DLG2: variants seen among roughly 807,000 people sequenced by gnomAD.
DLG2 encodes the protein disks large homolog 2.
DLG2 carries 45 observed loss-of-function variants against 132.5 expected under a neutral mutation model. That is an observed-to-expected ratio of 0.34 (90% CI 0.27 to 0.44). The LOEUF (loss-of-function observed/expected upper bound fraction) is 0.44. Ranked by LOEUF, DLG2 falls within the 20% of genes least tolerant of loss-of-function variation. The pLI is 1.00. For synonymous variants in DLG2, 424 were observed against 419.6 expected, an observed-to-expected ratio of 1.01 and a Z score of -0.13; for missense variants, 1,045 against 1,196.9, an observed-to-expected ratio of 0.87 and a Z score of 1.87.
chr11:84,653,744 C>T (rs1034104112), intron 6 of DLG2, among the ~76,000 whole-genome samples: 1 of 152,164 alleles, frequency 6.6e-6, no homozygotes, highest in African/African-American at 2.4e-5. Flanking sequence ...AATATTTCCA[C>T]CTGGGTCTCA....
At chr11:84,540,080 T>TA (rs1478532005) in intron 6 of DLG2, among the ~76,000 whole-genome samples, 8 of 152,070 alleles carry the variant, frequency 5.3e-5, no homozygotes, top group Non-Finnish European at 8.8e-5. Flanking sequence ...CCTAAAACCA[T>TA]AAAAACCCTA....
chr11:84,140,738 G>A (rs11604088), intron 9 of DLG2, among the ~76,000 whole-genome samples: 2 of 152,048 alleles, frequency 1.3e-5, no homozygotes, highest in Admixed American at 6.6e-5. Context: ...TCTCTCAGCT[G>A]CTTTCAGGCT....
At chr11:83,825,184 T>A (rs1191471265) in intron 17 of DLG2, among the ~76,000 whole-genome samples, 2,439 of 102,802 alleles carry the variant, frequency 0.024, 73 homozygotes, top group African/African-American at 0.064. Context: ...TTTTTTTTTT[T>A]TTTTTTTTTT....
At chr11:84,032,767 C>T (rs1016639368) in intron 11 of DLG2, among the ~76,000 whole-genome samples, 3 of 152,270 alleles carry the variant, frequency 2.0e-5, no homozygotes, top group Admixed American at 6.5e-5. Context: ...TCAAAGAACA[C>T]GCTGATTCTC....
chr11:85,056,475 T>G (rs985130560), intron 6 of DLG2, among the ~76,000 whole-genome samples: 21 of 152,102 alleles, frequency 1.4e-4, no homozygotes, highest in African/African-American at 4.8e-4. Flanking sequence ...ACTAAAAGAT[T>G]AAAAATTATT....
chr11:84,434,244 G>A (rs556834028), intron 7 of DLG2, among the ~76,000 whole-genome samples: 2 of 152,206 alleles, frequency 1.3e-5, no homozygotes, highest in South Asian at 4.1e-4. Context: ...TATAGTTTAT[G>A]TATAGTCTTA....
At chr11:85,305,445 G>C (rs561030207) in intron 3 of DLG2, among the ~76,000 whole-genome samples, 1 of 152,314 alleles carries the variant, frequency 6.6e-6, no homozygotes, top group Admixed American at 6.5e-5. Flanking sequence ...GAAATCTGCA[G>C]CAGTGCTTAG....
chr11:85,191,150 GCGCGCACGCGCGCACACACACACA>G (rs2080507358), intron 4 of DLG2, among the ~76,000 whole-genome samples: 1 of 125,970 alleles, frequency 7.9e-6, no homozygotes, highest in African/African-American at 3.2e-5. Flanking sequence ...GCATGCGCGC[GCGCGCACGCGCGCACACACACACA>G]CACACACACA....
chr11:83,916,352 G>C (rs2076926122), intron 15 of DLG2, among the ~76,000 whole-genome samples: 1 of 151,622 alleles, frequency 6.6e-6, no homozygotes, highest in African/African-American at 2.4e-5. Context: ...GTCTTGCTCT[G>C]TTGCCCAGGC....
intron 3 of DLG2, among the ~76,000 whole-genome samples, chr11:85,402,607 A>G (rs182764661): frequency 1.3e-5 from 2 of 152,320 alleles, no homozygotes; most frequent in East Asian, 3.9e-4. Flanking sequence ...CAAAGGGCTA[A>G]TATCCAGAAT....
chr11:83,909,885 A>T (rs918629910), intron 15 of DLG2, among the ~76,000 whole-genome samples: 2 of 152,048 alleles, frequency 1.3e-5, no homozygotes, highest in African/African-American at 4.8e-5. Context: ...GCTTGGGAAG[A>T]CTCTTCCTCT....
Position 84,620,024 on chromosome 11 carries a change from A to G in DLG2, c.358-85293T>C, listed in dbSNP as rs559699164. Among the ~76,000 whole-genome samples, 8 of 151,778 alleles carry G rather than the reference A, an allele frequency of 5.3e-5. No homozygotes were observed. The South Asian group carries it at 1.0e-3, about 20-fold the overall frequency. ...AAGAAAAATAAAATGGAAGAATTTGATCTAGTAGACCCATTTTAATAATAA... is the reference window on the plus strand; with the variant it reads ...AAGAAAAATAAAATGGAAGAATTTGGTCTAGTAGACCCATTTTAATAATAA... On this transcript the variant is annotated intron_variant, in intron 6 of 27. Coordinates refer to ENST00000376104, the MANE Select transcript of DLG2 (RefSeq NM_001142699.3).
rs11321504 is a variant in DLG2, at chr11:85,079,022, A to AG, written c.357+32638dup. Among the ~76,000 whole-genome samples, 246 of 150,134 alleles carry AG rather than the reference A, an allele frequency of 1.6e-3. 4 individuals are homozygous for AG. In the South Asian group the frequency reaches 0.03, roughly 18 times the overall value. On this transcript the variant is annotated intron_variant, in intron 6 of 27. Coordinates refer to ENST00000376104, the MANE Select transcript of DLG2 (RefSeq NM_001142699.3). ...GCAAAAGCTTTCTTTTATGTGTTTT[A>AG]GGGGGGGGGTCTGAGACATCAATCA... is the stretch of plus-strand genomic sequence containing the variant.
chr11:85,410,613 T>G (rs1034534001), intron 3 of DLG2, among the ~76,000 whole-genome samples: 1 of 151,900 alleles, frequency 6.6e-6, no homozygotes, highest in Non-Finnish European at 1.5e-5. Flanking sequence ...TGTATACCAG[T>G]GGGTCCGCTT....
In DLG2 at chr11:85,421,554, TTA is replaced by T. The variant is rs2090311778; in HGVS notation, c.41-136191_41-136190del. On this transcript the variant is annotated intron_variant, in intron 3 of 27. Transcript: ENST00000376104. ...GTTTACCTTAGGTTTGTGCAAGTCC[TTA>T]TGTGTTAGGTGGGTCTCTTGAAGGC... is the stretch of plus-strand genomic sequence containing the variant. Among the ~76,000 whole-genome samples, 11 of 151,900 alleles carry T rather than the reference TTA, an allele frequency of 7.2e-5. No homozygotes were observed. In the South Asian group the frequency reaches 2.3e-3, roughly 32 times the overall value.
intron 15 of DLG2, among the ~76,000 whole-genome samples, chr11:83,925,533 G>A (rs993660111): frequency 1.3e-5 from 2 of 152,032 alleles, no homozygotes; most frequent in African/African-American, 4.8e-5. Context: ...TAAGGGGAGA[G>A]ACCATGTTTT....
At chr11:83,695,975 G>A (rs529355203) in intron 18 of DLG2, among the ~76,000 whole-genome samples, 3 of 152,242 alleles carry the variant, frequency 2.0e-5, no homozygotes, top group East Asian at 1.9e-4. Flanking sequence ...TGGGAGTCAC[G>A]GGGTGGATCA....
At chr11:84,516,332 A>G (rs2099272935) in intron 7 of DLG2, among the ~76,000 whole-genome samples, 1 of 151,642 alleles carries the variant, frequency 6.6e-6, no homozygotes, top group South Asian at 2.1e-4. Context: ...ACTTTTAGCT[A>G]GACTAAGTAT....
intron 18 of DLG2, among the ~76,000 whole-genome samples, chr11:83,753,183 G>A (rs966362327): frequency 2.0e-5 from 3 of 152,194 alleles, no homozygotes; most frequent in African/African-American, 4.8e-5. Context: ...AGCACTTTGG[G>A]AGGCTGAGGC....
Sources: allele counts gnomAD v4.1 joint callset (sites outside exome capture counted in the v4.1 genomes callset), GRCh38; gene constraint gnomAD v4.1.1; transcripts MANE v1.5; gene names NCBI Gene and HGNC (gene_info 2026-07-23, HGNC 2026-07-21).